GALNT17: variants seen among roughly 807,000 people sequenced by gnomAD.
The protein encoded by GALNT17 is UDP-GalNAc:polypeptide N-acetylgalactosaminyltransferase-like 3.
In GALNT17, 29 loss-of-function variants were observed where a neutral mutation model predicts 63.7. The observed-to-expected ratio is 0.46, with a 90% CI of 0.34 to 0.62. GALNT17 has a LOEUF of 0.62. GALNT17 is among the 20% of genes least tolerant of loss of function. GALNT17 has a pLI of 0.01. For missense variants in GALNT17, 603 were observed against 799.6 expected (o/e 0.75, Z 2.97); for synonymous variants, 305 against 318.3 (o/e 0.96, Z 0.45).
chr7:71,447,977 A>C (rs1583961852), intron 5 of GALNT17, among the ~76,000 whole-genome samples: 2 of 151,966 alleles, frequency 1.3e-5, no homozygotes, highest in Admixed American at 6.6e-5. Context: ...TGTGTCCCGG[A>C]TCTCATGCCT....
chr7:71,575,557 T>C (rs904394041), intron 6 of GALNT17, among the ~76,000 whole-genome samples: 1 of 151,986 alleles, frequency 6.6e-6, no homozygotes, highest in African/African-American at 2.4e-5. Flanking sequence ...CCCGGCTAAG[T>C]TTTTGTACTT....
chr7:71,243,660 C>T (rs569663222), intron 1 of GALNT17, among the ~76,000 whole-genome samples: 4 of 152,168 alleles, frequency 2.6e-5, no homozygotes, highest in Admixed American at 6.5e-5. Context: ...CCATCTTGGC[C>T]TCCAGAGTAG....
chr7:71,635,846 C>A (rs1386543781), intron 6 of GALNT17, among the ~76,000 whole-genome samples: 2 of 152,164 alleles, frequency 1.3e-5, no homozygotes, highest in African/African-American at 2.4e-5. Flanking sequence ...ACTGTCATGG[C>A]GCTGGTGGGA....
intron 6 of GALNT17, among the ~76,000 whole-genome samples, chr7:71,643,383 G>A (rs923396907): frequency 7.9e-5 from 12 of 151,842 alleles, no homozygotes; most frequent in African/African-American, 2.9e-4. Context: ...CAGGAGAATC[G>A]CTTGAACCCA....
intron 8 of GALNT17, among the ~76,000 whole-genome samples, chr7:71,676,741 A>C (rs1178722669): frequency 6.6e-6 from 1 of 152,098 alleles, no homozygotes; most frequent in African/African-American, 2.4e-5. Flanking sequence ...CTAACCTCTG[A>C]TTACCCAGTT....
intron 1 of GALNT17, among the ~76,000 whole-genome samples, chr7:71,136,360 C>T (rs1345822543): frequency 2.6e-5 from 4 of 152,150 alleles, no homozygotes; most frequent in Non-Finnish European, 5.9e-5. Flanking sequence ...GTAAGAGGGC[C>T]AAAGCCACTT....
chr7:71,186,171 T>G (rs936346021), intron 1 of GALNT17, among the ~76,000 whole-genome samples: 2 of 152,238 alleles, frequency 1.3e-5, no homozygotes, highest in Non-Finnish European at 2.9e-5. Context: ...TTATGGGTCT[T>G]TTAGCCCTTA....
chr7:71,383,274 A>G (rs1792879205), intron 2 of GALNT17, among the ~76,000 whole-genome samples: 1 of 152,162 alleles, frequency 6.6e-6, no homozygotes, highest in Non-Finnish European at 1.5e-5. Context: ...TTGGATACCA[A>G]AATCCCTGGA....
intron 6 of GALNT17, among the ~76,000 whole-genome samples, chr7:71,657,791 G>A (rs1333545202): frequency 1.3e-5 from 2 of 152,130 alleles, no homozygotes; most frequent in African/African-American, 4.8e-5. Flanking sequence ...TTCATCCCTG[G>A]GGAATGTGAT....
chr7:71,385,594 A>G (rs1210559939), intron 2 of GALNT17, among the ~76,000 whole-genome samples: 1 of 152,158 alleles, frequency 6.6e-6, no homozygotes, highest in African/African-American at 2.4e-5. Context: ...CAGCCTGATT[A>G]ACCCCAGGGG....
chr7:71,640,143 G>C (rs914824748), intron 6 of GALNT17, among the ~76,000 whole-genome samples: 1 of 152,058 alleles, frequency 6.6e-6, no homozygotes, highest in Admixed American at 6.6e-5. Context: ...CAGTATTGAT[G>C]GTAAATTTTT....
intron 2 of GALNT17, among the ~76,000 whole-genome samples, chr7:71,360,625 A>C (rs567712886): frequency 2.0e-5 from 3 of 152,316 alleles, no homozygotes; most frequent in African/African-American, 7.2e-5. Context: ...TTACAGATAC[A>C]GATGTTTTTA....
intron 5 of GALNT17, among the ~76,000 whole-genome samples, chr7:71,526,235 C>T (rs922338662): frequency 1.3e-5 from 2 of 152,136 alleles, no homozygotes; most frequent in Non-Finnish European, 1.5e-5. Flanking sequence ...ATGTGACTGC[C>T]GCTTACGCAC....
chr7:71,642,229 G>A (rs1790614500), intron 6 of GALNT17, among the ~76,000 whole-genome samples: 1 of 152,126 alleles, frequency 6.6e-6, no homozygotes, highest in African/African-American at 2.4e-5. Context: ...GAAAGCTATT[G>A]TCCTAGCCTA....
chr7:71,684,143 C>T (rs951584279), intron 9 of GALNT17, among the ~76,000 whole-genome samples: 1 of 152,102 alleles, frequency 6.6e-6, no homozygotes, highest in Non-Finnish European at 1.5e-5. Context: ...CTGTTGCCCT[C>T]CTGCACCCAG....
intron 3 of GALNT17, among the ~76,000 whole-genome samples, chr7:71,412,545 G>T (rs912661485): frequency 6.6e-6 from 1 of 152,008 alleles, no homozygotes; most frequent in African/African-American, 2.4e-5. Flanking sequence ...GCTAGTTTTT[G>T]TATTTTTAAT....
At chr7:71,410,117 G>C (rs1159835939) in intron 3 of GALNT17, among the ~76,000 whole-genome samples, 1 of 151,992 alleles carries the variant, frequency 6.6e-6, no homozygotes, top group Admixed American at 6.6e-5. Context: ...CTTGTAACAG[G>C]GTCTATTGTC....
intron 5 of GALNT17, among the ~76,000 whole-genome samples, chr7:71,496,484 A>G (rs1788095325): frequency 6.6e-6 from 1 of 152,170 alleles, no homozygotes; most frequent in African/African-American, 2.4e-5. Flanking sequence ...AAGGAAGTCA[A>G]AATGAGGACA....
At chr7:71,177,702 TA>T (rs1788664347) in intron 1 of GALNT17, among the ~76,000 whole-genome samples, 1 of 152,214 alleles carries the variant, frequency 6.6e-6, no homozygotes, top group Non-Finnish European at 1.5e-5. Context: ...GTTGTTTTTT[TA>T]AAATTAATTT....
Sources: gnomAD v4.1 joint callset for allele counts (sites outside exome capture counted in the v4.1 genomes callset) on GRCh38, gnomAD v4.1.1 for gene constraint, MANE v1.5 for transcripts, NCBI Gene and HGNC (gene_info 2026-07-23, HGNC 2026-07-21) for gene names.